Variants in KIF4A observed in about 807,000 individuals in gnomAD.
The protein encoded by KIF4A is chromosome-associated kinesin KIF4A.
In KIF4A, 7 loss-of-function variants were observed where a neutral mutation model predicts 105.9. The observed-to-expected ratio is 0.07, with a 90% CI of 0.04 to 0.12. The LOEUF (loss-of-function observed/expected upper bound fraction) is 0.12. KIF4A is among the 10% of genes least tolerant of loss of function. The pLI is 1.00. For missense variants in KIF4A, 558 were observed against 929.2 expected (o/e 0.60, Z 5.19); for synonymous variants, 281 against 331.3 (o/e 0.85, Z 1.65).
intron 15 of KIF4A, among the ~76,000 whole-genome samples, chrX:70,373,576 ACGTG>A (rs768244044): frequency 3.0e-5 from 1 of 33,324 alleles, no homozygotes; most frequent in Non-Finnish European, 5.7e-5. Flanking sequence ...ATACATATAT[ACGTG>A]TATATATATA....
At chrX:70,306,498 T>A (rs1417260340) in intron 7 of KIF4A, among the ~76,000 whole-genome samples, 1 of 112,349 alleles carries the variant, frequency 8.9e-6, no homozygotes, top group Non-Finnish European at 1.9e-5. Flanking sequence ...ATGTCTTTCT[T>A]TTTCTTTTTC....
intron 7 of KIF4A, among the ~76,000 whole-genome samples, chrX:70,325,264 A>G (rs367933582): frequency 6.5e-4 from 72 of 111,614 alleles, no homozygotes; most frequent in African/African-American, 2.2e-3. Context: ...TATTATAGGT[A>G]TGTTTATGAG....
chrX:70,418,019 GTT>G lies in KIF4A; in HGVS notation c.3372+17_3372+18del. On this transcript the variant is annotated intron_variant, in intron 29 of 30. Coordinates refer to ENST00000374403, the MANE Select transcript of KIF4A (RefSeq NM_012310.5). ...AGCAAGGCAAGGTAGGATCAGGGCT[GTT>G]TCCTCTCCCCTTCCCTTCAGACCTT... The G allele has an allele frequency of 9.4e-6, 11 of 1,168,737 alleles. No homozygotes were observed. The highest frequency in any genetic ancestry group is 1.3e-5 in the Non-Finnish European group (11 of 863,041).
At chrX:70,330,087 G>A in intron 8 of KIF4A, 70 bp from the exon 9 acceptor site, 2 of 953,245 alleles carry the variant, frequency 2.1e-6, no homozygotes, top group South Asian at 5.9e-5. Context: ...CAACCCGAAT[G>A]GACGGCTTTG....
intron 15 of KIF4A, among the ~76,000 whole-genome samples, chrX:70,373,516 GTGTGTA>G (rs1167459262): frequency 0.61 from 6,489 of 10,628 alleles, 1,732 homozygotes; most frequent in African/African-American, 0.76. Context: ...ATATACATGT[GTGTGTA>G]TGTATATATA....
At chrX:70,360,731 GA>G (rs1444080723) in intron 15 of KIF4A, among the ~76,000 whole-genome samples, 3 of 112,877 alleles carry the variant, frequency 2.7e-5, no homozygotes, top group Non-Finnish European at 1.9e-5. Context: ...CAGGGATCTG[GA>G]GAGCAGCAGC....
intron 8 of KIF4A, among the ~76,000 whole-genome samples, chrX:70,329,901 C>G (rs2085924019): frequency 9.0e-6 from 1 of 111,358 alleles, no homozygotes; most frequent in South Asian, 3.8e-4. Context: ...AGGCCAGGCC[C>G]CAGTTGTTTT....
intron 15 of KIF4A, among the ~76,000 whole-genome samples, chrX:70,355,838 T>G (rs949977678): frequency 2.7e-5 from 3 of 111,519 alleles, no homozygotes; most frequent in Admixed American, 9.5e-5. Context: ...CATGCTTTTT[T>G]TAAATTGCCA....
At chrX:70,375,129 G>A (rs2086169665) in intron 16 of KIF4A, 75 bp from the exon 17 acceptor site, 1 of 1,083,569 alleles carries the variant, frequency 9.2e-7, no homozygotes, top group African/African-American at 1.9e-5. Context: ...TTGTAACTCT[G>A]GGAGTCTAGT....
At chrX:70,313,958 A>G (rs867820690) in intron 7 of KIF4A, among the ~76,000 whole-genome samples, 8 of 112,429 alleles carry the variant, frequency 7.1e-5, no homozygotes, top group African/African-American at 1.3e-4. Context: ...AAAACATTTA[A>G]TGCAATTCTT....
chrX:70,334,041 T>A (rs2085941173), intron 10 of KIF4A, among the ~76,000 whole-genome samples: 1 of 111,932 alleles, frequency 8.9e-6, no homozygotes, highest in African/African-American at 3.3e-5. Flanking sequence ...TTGTTCCTGC[T>A]TTGTCCATTA....
At chrX:70,399,717 C>T (rs184980661) in intron 22 of KIF4A, among the ~76,000 whole-genome samples, 1 of 95,159 alleles carries the variant, frequency 1.1e-5, no homozygotes, top group African/African-American at 3.9e-5. Context: ...AACCAAACAC[C>T]GCATGTTCTC....
chrX:70,337,342 C>T (rs764295095), intron 10 of KIF4A, among the ~76,000 whole-genome samples: 1 of 111,311 alleles, frequency 9.0e-6, no homozygotes, highest in South Asian at 3.9e-4. Flanking sequence ...GCCTGTGCAA[C>T]ATAGTAATAT....
At chrX:70,337,874 C>A (rs1037005540) in intron 10 of KIF4A, among the ~76,000 whole-genome samples, 1 of 112,016 alleles carries the variant, frequency 8.9e-6, no homozygotes, top group Non-Finnish European at 1.9e-5. Context: ...TACCATTTTA[C>A]ATCTCCACCA....
intron 5 of KIF4A, 22 bp downstream of exon 5, chrX:70,299,224 T>C (rs768420820): frequency 8.6e-7 from 1 of 1,163,078 alleles, no homozygotes; most frequent in Admixed American, 2.5e-5. Context: ...TCTCATTTGA[T>C]GTTATTAAAA....
chrX:70,346,774 A>G (rs746400620), intron 13 of KIF4A, among the ~76,000 whole-genome samples: 22 of 111,502 alleles, frequency 2.0e-4, no homozygotes, highest in African/African-American at 7.2e-4. Flanking sequence ...CTCCACATCT[A>G]TTGTTCGGAG....
At chrX:70,343,645 A>G in intron 11 of KIF4A, 58 bp from the exon 12 acceptor site, 1 of 1,058,939 alleles carries the variant, frequency 9.4e-7, no homozygotes. Flanking sequence ...GTAGGAGAGC[A>G]TAATTATGTG....
intron 18 of KIF4A, among the ~76,000 whole-genome samples, chrX:70,379,605 A>G (rs1285431862): frequency 1.8e-5 from 2 of 110,778 alleles, no homozygotes; most frequent in Non-Finnish European, 1.9e-5. Flanking sequence ...AGCCTGGCCA[A>G]CATGGTGAAA....
At chrX:70,352,374 A>T (rs1036117343) in intron 13 of KIF4A, among the ~76,000 whole-genome samples, 1 of 111,681 alleles carries the variant, frequency 9.0e-6, no homozygotes, top group African/African-American at 3.3e-5. Flanking sequence ...TTGCCACATG[A>T]CCTTATTTTT....
Sources: gnomAD v4.1 joint callset for allele counts (sites outside exome capture counted in the v4.1 genomes callset) on GRCh38, gnomAD v4.1.1 for gene constraint, MANE v1.5 for transcripts, NCBI Gene and HGNC (gene_info 2026-07-23, HGNC 2026-07-21) for gene names.